PEX5L: variants seen among roughly 807,000 people sequenced by gnomAD.
PEX5L encodes peroxisomal biogenesis factor 5 like.
PEX5L carries 30 observed loss-of-function variants against 84.0 expected under a neutral mutation model. That is an observed-to-expected ratio of 0.36 (90% CI 0.27 to 0.48). The LOEUF (loss-of-function observed/expected upper bound fraction) is 0.48. PEX5L is among the 20% of genes least tolerant of loss of function. The probability of loss-of-function intolerance (pLI) is 0.99; values close to 1 mark genes in which losing one functional copy is unlikely to be tolerated. For synonymous variants in PEX5L, 270 were observed against 283.1 expected (o/e 0.95, Z 0.46); for missense variants, 533 against 754.6 (o/e 0.71, Z 3.44).
chr3:179,828,764 T>A (rs1003026809), intron 8 of PEX5L, among the ~76,000 whole-genome samples: 1 of 152,050 alleles, frequency 6.6e-6, no homozygotes, highest in South Asian at 2.1e-4. Context: ...AACAGAGACC[T>A]TTGGTGGGCT....
intron 1 of PEX5L, among the ~76,000 whole-genome samples, chr3:179,979,161 T>A (rs890943407): frequency 1.3e-5 from 2 of 152,166 alleles, no homozygotes; most frequent in African/African-American, 4.8e-5. Context: ...TTCAATTATG[T>A]CAGATTCAGC....
rs559332779 is a variant in PEX5L, at chr3:179,931,825, T to C, written c.94-33579A>G. ...TTAACTTCATTTATAATGAAAGAAA[T>C]AGAAATAAATACAAGTTATCAATTT... On this transcript the variant is annotated intron_variant, in intron 2 of 14. Coordinates refer to ENST00000467460, the MANE Select transcript of PEX5L (RefSeq NM_016559.3). Among the ~76,000 whole-genome samples the C allele has an allele frequency of 5.3e-4, 80 of 152,238 alleles. 1 individual carries two copies. The highest frequency in any genetic ancestry group is 1.9e-3 in the African/African-American group (77 of 41,548).
At position 179,875,363 on chromosome 3, in the gene PEX5L, T is replaced by A; in HGVS notation, c.620A>T (p.Glu207Val). The A allele has an allele frequency of 6.2e-7, 1 of 1,613,958 alleles. No individual in the cohort carries two copies. The highest frequency in any genetic ancestry group is 8.5e-7 in the Non-Finnish European group (1 of 1,179,852). Residue 207 changes from glutamate to valine, a missense_variant, in exon 6 of 15, where the codon GAG becomes GTG. Physicochemically the swap from Glu to Val is moderately radical, Grantham distance 121 (BLOSUM62 -2). Around this residue, in one of 8 missense-constraint regions of PEX5L, gnomAD observed 259 missense variants for 301.7 expected, o/e 0.86. Coordinates refer to ENST00000467460, the MANE Select transcript of PEX5L (RefSeq NM_016559.3). ...TATTAAAATACCTTACCATAAGAGC[T>A]CTTTTGATCCAGTTCTAGATGAGGA... The part of the protein sequence containing the change: ...KSSSSRTGSK[E>V]LLWSSEHRSQ...
At position 179,809,721 on chromosome 3, in the gene PEX5L, C is replaced by T. The variant is rs1722995563; in HGVS notation, c.1155-53G>A. 4 of 1,354,860 alleles carry T rather than the reference C, an allele frequency of 3.0e-6. No homozygotes were observed. In the Admixed American group the frequency reaches 6.6e-5, roughly 22 times the overall value. 83.9% of individuals were successfully genotyped at this position (1,354,860 alleles called of 1,614,324 possible). A position where few individuals can be genotyped will look rare whatever the true frequency, so the allele number is the denominator to read the frequency against. On this transcript the variant is annotated intron_variant, in intron 11 of 14. Coordinates refer to ENST00000467460, the MANE Select transcript of PEX5L (RefSeq NM_016559.3). ...GATTTTTTTTTGAGCCACAATCTAA[C>T]AGTTCTTCAGAAAATGTGGGGGGTC...
chr3:179,935,791 T>C (rs1774414695), intron 2 of PEX5L, among the ~76,000 whole-genome samples: 2 of 152,180 alleles, frequency 1.3e-5, no homozygotes, highest in Non-Finnish European at 2.9e-5. Context: ...GCCTCCACCA[T>C]CATGGGGAGC....
rs1281609210 is a variant in PEX5L at position 179,898,255 on chromosome 3, G to A, written c.94-9C>T. On this transcript the variant is annotated splice_polypyrimidine_tract_variant and intron_variant, in intron 2 of 14. Coordinates refer to ENST00000467460, the MANE Select transcript of PEX5L (RefSeq NM_016559.3). The stretch of plus-strand genomic sequence containing the variant: ...GCCCTAGAGCCTTTTCCCTATAACA[G>A]TGAAATCAACAATGACTGTGTCAGG... 6.3e-7 allele frequency: 1 copy of A among 1,580,484 alleles called. No individual in the cohort carries two copies. The highest frequency in any genetic ancestry group is 1.7e-5 in the Admixed American group (1 of 59,846).
At position 180,005,309 on chromosome 3, in the gene PEX5L, G is replaced by A. The variant is rs113598499; in HGVS notation, c.21+31270C>T. ...ATAGGGTTTTCCTGTCACCCAGGCT[G>A]AAGTACAGTGGTACAATCATATCTT... On this transcript the variant is annotated intron_variant, in intron 1 of 14. Transcript: ENST00000467460. 8.8e-3 allele frequency among the ~76,000 whole-genome samples: 1,336 copies of A among 152,072 alleles called. 16 individuals carry two copies. The highest frequency in any genetic ancestry group is 0.031 in the African/African-American group (1,273 of 41,436).
intron 1 of PEX5L, among the ~76,000 whole-genome samples, chr3:179,986,646 C>T (rs1786876522): frequency 6.6e-6 from 1 of 152,116 alleles, no homozygotes; most frequent in African/African-American, 2.4e-5. Context: ...TCGTGATCCG[C>T]CCGTCTTGGC....
At chr3:179,883,315 T>A (rs1754744260) in intron 4 of PEX5L, among the ~76,000 whole-genome samples, 1 of 152,222 alleles carries the variant, frequency 6.6e-6, no homozygotes, top group African/African-American at 2.4e-5. Context: ...CACTTCTATT[T>A]GCTGTAGCAG....
chr3:179,844,786 T>C (rs1472525936), intron 8 of PEX5L, among the ~76,000 whole-genome samples: 2 of 152,096 alleles, frequency 1.3e-5, no homozygotes, highest in African/African-American at 2.4e-5. Flanking sequence ...GCCGAGATCA[T>C]GCCACTGCAC....
At chr3:179,822,633 C>A (rs1477996250) in intron 8 of PEX5L, among the ~76,000 whole-genome samples, 1 of 152,168 alleles carries the variant, frequency 6.6e-6, no homozygotes, top group East Asian at 1.9e-4. Context: ...TTTAGAGAAA[C>A]CTGAAACATA....
chr3:179,963,087 T>C (rs569535785), intron 2 of PEX5L, among the ~76,000 whole-genome samples: 1 of 152,240 alleles, frequency 6.6e-6, no homozygotes, highest in Non-Finnish European at 1.5e-5. Context: ...GAACTTGAGA[T>C]GGTGACTCAT....
intron 7 of PEX5L, among the ~76,000 whole-genome samples, chr3:179,865,197 A>T (rs554760104): frequency 6.6e-6 from 1 of 152,216 alleles, no homozygotes; most frequent in Non-Finnish European, 1.5e-5. Context: ...TTTTATTTTC[A>T]TAGTACAATT....
chr3:179,844,161 G>T (rs1474954946), intron 8 of PEX5L, among the ~76,000 whole-genome samples: 1 of 152,186 alleles, frequency 6.6e-6, no homozygotes, highest in Non-Finnish European at 1.5e-5. Flanking sequence ...ATATATTTGA[G>T]TGCGTGTGTG....
intron 1 of PEX5L, among the ~76,000 whole-genome samples, chr3:180,009,980 G>C (rs1422471283): frequency 1.3e-5 from 2 of 151,994 alleles, no homozygotes; most frequent in Admixed American, 1.3e-4. Flanking sequence ...GTCTCACTCT[G>C]TTGCACAGGT....
intron 2 of PEX5L, among the ~76,000 whole-genome samples, chr3:179,919,046 C>T (rs925120432): frequency 2.0e-5 from 3 of 152,182 alleles, no homozygotes; most frequent in Admixed American, 2.0e-4. Context: ...TGGTCAAGTA[C>T]TATTTCATTC....
intron 8 of PEX5L, among the ~76,000 whole-genome samples, chr3:179,840,614 C>T (rs1312707780): frequency 1.3e-5 from 2 of 152,044 alleles, no homozygotes; most frequent in Admixed American, 1.3e-4. Context: ...AAGTAGGAGG[C>T]CATAGCAGTG....
At chr3:179,906,709 G>C (rs2109117720) in intron 2 of PEX5L, among the ~76,000 whole-genome samples, 1 of 151,984 alleles carries the variant, frequency 6.6e-6, no homozygotes, top group South Asian at 2.1e-4. Context: ...TTTGCAAACA[G>C]GCATTTTTTT....
Position 179,797,017 on chromosome 3 carries a change from T to C in PEX5L, c.*4811A>G, listed in dbSNP as rs1025273368. 1.3e-5 allele frequency: 2 copies of C among 152,242 alleles called. No homozygotes were observed. Among genetic ancestry groups the C allele is most frequent in the Non-Finnish European group, 2.9e-5 (2 of 68,046 alleles). 9.4% of individuals were successfully genotyped at this position (152,242 alleles called of 1,614,324 possible). On this transcript the variant is annotated 3_prime_UTR_variant, in exon 15 of 15. Transcript: ENST00000467460. ...CCCAACCTCCTCGCCTTATTTAGAA[T>C]ATCAGTTTTTCTAATTTATTCCCAA... is the stretch of plus-strand genomic sequence containing the variant.
Sources: gnomAD v4.1 joint callset for allele counts (sites outside exome capture counted in the v4.1 genomes callset) on GRCh38, gnomAD v4.1.1 for gene constraint, gnomAD v4.1.1 regional missense constraint, MANE v1.5 for transcripts, NCBI Gene and HGNC (gene_info 2026-07-23, HGNC 2026-07-21) for gene names.